RYR3: variants seen among roughly 807,000 people sequenced by gnomAD.
The protein encoded by RYR3 is brain ryanodine receptor-calcium release channel.
Under a neutral mutation model 584.3 loss-of-function variants are expected in RYR3, and 207 were observed. That is an observed-to-expected ratio of 0.35 (90% CI 0.32 to 0.40). The LOEUF is 0.40. RYR3 is among the 10% of genes least tolerant of loss of function. The pLI, the probability that RYR3 is intolerant of heterozygous loss-of-function variation, is 1.00. For synonymous variants in RYR3, 2,416 were observed against 2,248.5 expected (o/e 1.07, Z -2.11); for missense variants, 5,616 against 6,089.2 (o/e 0.92, Z 2.59).
intron 16 of RYR3, among the ~76,000 whole-genome samples, chr15:33,589,046 T>C (rs896237396): frequency 6.6e-6 from 1 of 152,216 alleles, no homozygotes; most frequent in Non-Finnish European, 1.5e-5. Context: ...CTGTTATCCA[T>C]AGGGGTTGTA....
At chr15:33,372,561 T>C (rs1019205639) in intron 1 of RYR3, among the ~76,000 whole-genome samples, 3 of 151,938 alleles carry the variant, frequency 2.0e-5, no homozygotes, top group Non-Finnish European at 4.4e-5. Flanking sequence ...GAGACGAGGA[T>C]TCACCGTGTT....
At chr15:33,461,179 C>T (rs976180175) in intron 1 of RYR3, among the ~76,000 whole-genome samples, 87 of 151,860 alleles carry the variant, frequency 5.7e-4, no homozygotes, top group Non-Finnish European at 9.7e-4. Flanking sequence ...CTCCTGACCT[C>T]GTGACCCGCC....
chr15:33,335,745 G>T (rs73378452), intron 1 of RYR3, among the ~76,000 whole-genome samples: 1 of 151,362 alleles, frequency 6.6e-6, no homozygotes, highest in Admixed American at 6.6e-5. Context: ...AAGATCAGTG[G>T]ATCAGTTTTG....
chr15:33,539,539 G>GC, intron 6 of RYR3, 77 bp downstream of exon 6: 1 of 830,442 alleles, frequency 1.2e-6, no homozygotes, highest in Non-Finnish European at 2.0e-6. Context: ...GAAGAACTGA[G>GC]CCACAGCAGG....
At chr15:33,836,489 GA>G (rs5811798) in intron 87 of RYR3, among the ~76,000 whole-genome samples, 18,031 of 152,086 alleles carry the variant, frequency 0.12, 2,193 homozygotes, top group African/African-American at 0.31. Context: ...AAAGAAAGGA[GA>G]ACCCACTTGG....
intron 18 of RYR3, among the ~76,000 whole-genome samples, chr15:33,610,411 C>A (rs549214018): frequency 3.9e-5 from 6 of 152,262 alleles, no homozygotes; most frequent in African/African-American, 1.4e-4. Flanking sequence ...CATTTCCCAG[C>A]AGACTATGGG....
intron 1 of RYR3, among the ~76,000 whole-genome samples, chr15:33,367,238 T>A (rs1162320177): frequency 1.3e-5 from 2 of 152,344 alleles, no homozygotes; most frequent in South Asian, 4.1e-4. Flanking sequence ...GAAAAAAAGT[T>A]CAGAAAGTAT....
chr15:33,819,894 G>A (rs1369073903), intron 77 of RYR3, 87 bp downstream of exon 77: 3 of 995,104 alleles, frequency 3.0e-6, no homozygotes, highest in Non-Finnish European at 4.6e-6. Context: ...ATGTTGAATA[G>A]CAGGCCTGGG....
intron 1 of RYR3, among the ~76,000 whole-genome samples, chr15:33,431,557 G>A (rs2045148222): frequency 6.6e-6 from 1 of 152,060 alleles, no homozygotes; most frequent in Admixed American, 6.6e-5. Context: ...GAGTCCAGGA[G>A]TTTGAGACCA....
At position 33,861,067 on chromosome 15, in the gene RYR3, A is replaced by G. The variant is rs1301317193; in HGVS notation, c.14365-11A>G. On this transcript the variant is annotated splice_polypyrimidine_tract_variant and intron_variant, in intron 101 of 103. Coordinates refer to ENST00000634891, the MANE Select transcript of RYR3 (RefSeq NM_001036.6). Reference sequence around the variant, plus strand: ...CCAACAAATGCCTTTTCTGCCTGTTATTTTTCTTAGACTAAATGTTTCATC... The same window carrying G: ...CCAACAAATGCCTTTTCTGCCTGTTGTTTTTCTTAGACTAAATGTTTCATC... 7.0e-6 allele frequency: 11 copies of G among 1,567,512 alleles called. No individual in the cohort carries two copies. In the East Asian group the frequency reaches 1.4e-4, roughly 20 times the overall value.
At chr15:33,473,348 A>G in intron 1 of RYR3, 71 bp from the exon 2 acceptor site, 2 of 1,590,996 alleles carry the variant, frequency 1.3e-6, no homozygotes, top group South Asian at 2.2e-5. Context: ...TGACTCAGGT[A>G]CAGGAAGGTG....
At position 33,836,969 on chromosome 15, in the gene RYR3, C is replaced by T. The variant is rs2078092431; in HGVS notation, c.11632C>T (p.Leu3878Phe). The change falls in exon 88 of 104, where the codon CTT becomes TTT. Residue 3878 changes from leucine (L) to phenylalanine (F), a missense_variant. By Grantham distance (22) the Leu-to-Phe change is conservative. Around this residue, in one of 9 missense-constraint regions of RYR3, gnomAD observed 13 missense variants for 41.1 expected, o/e 0.32. Transcript: ENST00000634891. ...LDLLQDMVVM[L>F]LSLLEGNVVN... ...TCTCCTTCAGGACATGGTGGTGATG[C>T]TTCTGTCCCTCCTGGAAGGTTGGGC... The T allele has an allele frequency of 6.2e-7, 1 of 1,613,304 alleles. No individual in the cohort carries two copies. The highest frequency in any genetic ancestry group is 1.7e-5 in the Admixed American group (1 of 59,938).
In RYR3 at chr15:33,787,856, C is replaced by G. The variant is rs146551788; in HGVS notation, c.9590-362C>G. On this transcript the variant is annotated intron_variant, in intron 66 of 103. Coordinates refer to ENST00000634891, the MANE Select transcript of RYR3 (RefSeq NM_001036.6). Reference sequence around the variant, plus strand: ...AGCCTTCCTTCAGGAAGTTTACAATCTGCTAGTGAGCCGAAAGCAAAAAGA... The same window carrying G: ...AGCCTTCCTTCAGGAAGTTTACAATGTGCTAGTGAGCCGAAAGCAAAAAGA... Among the ~76,000 whole-genome samples the G allele has an allele frequency of 3.1e-3, 467 of 152,350 alleles. 3 individuals carry two copies. In the Middle Eastern group the frequency reaches 0.037, roughly 12 times the overall value.
chr15:33,674,926 A>G (rs2064074320), intron 38 of RYR3, among the ~76,000 whole-genome samples: 1 of 140,210 alleles, frequency 7.1e-6, no homozygotes, highest in Non-Finnish European at 1.6e-5. Context: ...AAAAAAAAAA[A>G]AAGAGTGGTG....
intron 1 of RYR3, among the ~76,000 whole-genome samples, chr15:33,423,938 C>G (rs551668804): frequency 6.6e-6 from 1 of 152,038 alleles, no homozygotes; most frequent in South Asian, 2.1e-4. Flanking sequence ...TCCAATGCAC[C>G]CAGGATCAGT....
chr15:33,750,828 C>T (rs2071215778), intron 57 of RYR3, among the ~76,000 whole-genome samples: 1 of 152,146 alleles, frequency 6.6e-6, no homozygotes, highest in Admixed American at 6.5e-5. Flanking sequence ...ACCCATTAAC[C>T]TGTCATCTAC....
intron 48 of RYR3, among the ~76,000 whole-genome samples, chr15:33,735,341 T>C (rs1055355731): frequency 3.3e-5 from 5 of 152,216 alleles, no homozygotes; most frequent in African/African-American, 1.2e-4. Flanking sequence ...CCAGAAACAG[T>C]TGTGAAACAG....
rs144282125 is a variant in RYR3 at position 33,810,649 on chromosome 15, T to C, written c.10197T>C (p.His3399=). ...LISLAKSRYS[H]RDTDEEVREH... ...CCCTCGCAAAATCGCGATACAGCCA[T>C]GTAAGCTGCCCGTCTGCCTGGGCTG... Residue 3399 remains histidine (H), a splice_region_variant and synonymous_variant, in exon 71 of 104, where the codon CAT becomes CAC. Transcript: ENST00000634891. 2.0e-5 allele frequency: 33 copies of C among 1,613,966 alleles called. No homozygotes were observed. The East Asian group carries it at 7.4e-4, about 36-fold the overall frequency.
chr15:33,560,279 A>G (rs1263235774), intron 10 of RYR3, among the ~76,000 whole-genome samples: 4 of 152,114 alleles, frequency 2.6e-5, no homozygotes, highest in African/African-American at 4.8e-5. Context: ...TTGTCTCTAG[A>G]TCTTTGTTTG....
Sources: gnomAD v4.1 joint callset for allele counts (sites outside exome capture counted in the v4.1 genomes callset) on GRCh38, gnomAD v4.1.1 for gene constraint, gnomAD v4.1.1 regional missense constraint, MANE v1.5 for transcripts, NCBI Gene and HGNC (gene_info 2026-07-23, HGNC 2026-07-21) for gene names.